Variants in EPHA3 observed in about 807,000 individuals in gnomAD.
EPHA3 encodes the protein ephrin type-A receptor 3.
In EPHA3, 42 loss-of-function variants were observed where a neutral mutation model predicts 107.1. The observed-to-expected ratio is 0.39, with a 90% CI of 0.31 to 0.51. EPHA3 has a LOEUF of 0.51. EPHA3 is among the 20% of genes least tolerant of loss of function. EPHA3 has a pLI of 0.78. For missense variants in EPHA3, 1,183 were observed against 1,211.2 expected, an observed-to-expected ratio of 0.98 and a Z score of 0.35; for synonymous variants, 461 against 424.8, an observed-to-expected ratio of 1.09 and a Z score of -1.05.
rs147210258 is a variant in EPHA3 at position 89,203,095 on chromosome 3, G to C, written c.154-6765G>C. On this transcript the variant is annotated intron_variant, in intron 2 of 16. Transcript: ENST00000336596. Reference sequence around the variant, plus strand: ...ACATTTTAGACGCAGTTTCTAAGGAGACTCAGAATTCACGGAAGCTGATAT... The same window carrying C: ...ACATTTTAGACGCAGTTTCTAAGGACACTCAGAATTCACGGAAGCTGATAT... 7.9e-5 allele frequency among the ~76,000 whole-genome samples: 12 copies of C among 152,160 alleles called. No individual in the cohort carries two copies. In the East Asian group the frequency reaches 2.3e-3, roughly 29 times the overall value.
intron 3 of EPHA3, among the ~76,000 whole-genome samples, chr3:89,230,822 T>TCACACACACACA (rs1247637593): frequency 2.4e-4 from 35 of 144,128 alleles, no homozygotes; most frequent in African/African-American, 9.7e-4. Context: ...TCTCTCTCTC[T>TCACACACACACA]CTCACACACA....
rs543120553 is a variant in EPHA3, at chr3:89,280,868, C to T, written c.815-60048C>T. 1.7e-4 allele frequency among the ~76,000 whole-genome samples: 26 copies of T among 152,004 alleles called. 1 individual carries two copies. In the South Asian group the frequency reaches 5.0e-3, roughly 29 times the overall value. On this transcript the variant is annotated intron_variant, in intron 3 of 16. Transcript: ENST00000336596. Reference sequence around the variant, plus strand: ...ATTGTAAAACAGCTAAAGTCTGTGACGTAATCATGATTCTCGTGATTAGAA... The same window carrying T: ...ATTGTAAAACAGCTAAAGTCTGTGATGTAATCATGATTCTCGTGATTAGAA...
At chr3:89,357,630 C>G (rs1707996090) in intron 5 of EPHA3, among the ~76,000 whole-genome samples, 1 of 151,116 alleles carries the variant, frequency 6.6e-6, no homozygotes, top group South Asian at 2.1e-4. Flanking sequence ...CAAAGAATAA[C>G]ATTCTCTATT....
At chr3:89,431,111 A>G (rs1346550396) in intron 12 of EPHA3, 39 bp from the exon 13 acceptor site, 1 of 1,580,250 alleles carries the variant, frequency 6.3e-7, no homozygotes, top group African/African-American at 1.4e-5. Context: ...TTTAAGAAAT[A>G]GGAACGTATC....
intron 2 of EPHA3, among the ~76,000 whole-genome samples, chr3:89,152,090 A>T (rs571002304): frequency 6.6e-6 from 1 of 152,210 alleles, no homozygotes; most frequent in East Asian, 1.9e-4. Flanking sequence ...TGTTTATGTT[A>T]TCTCAAATAT....
intron 3 of EPHA3, among the ~76,000 whole-genome samples, chr3:89,217,550 G>T (rs1323578872): frequency 1.3e-5 from 2 of 152,100 alleles, no homozygotes; most frequent in Admixed American, 6.5e-5. Flanking sequence ...TGTGAGAAGA[G>T]ACCCCAGGGA....
intron 3 of EPHA3, among the ~76,000 whole-genome samples, chr3:89,294,583 G>T (rs1706300068): frequency 6.6e-6 from 1 of 152,044 alleles, no homozygotes; most frequent in African/African-American, 2.4e-5. Context: ...TCAAGCTCAT[G>T]AAAATTTTCC....
intron 15 of EPHA3, among the ~76,000 whole-genome samples, chr3:89,450,775 C>T (rs967965526): frequency 3.3e-5 from 5 of 152,008 alleles, no homozygotes; most frequent in African/African-American, 9.7e-5. Flanking sequence ...GGTGTGGTGG[C>T]AGGCACCTGT....
chr3:89,187,106 ACAG>A (rs1358855247), intron 2 of EPHA3, among the ~76,000 whole-genome samples: 31 of 151,906 alleles, frequency 2.0e-4, no homozygotes, highest in African/African-American at 7.2e-4. Context: ...TCAGAGTACT[ACAG>A]ACTTTAATTT....
At chr3:89,302,440 T>G (rs1706513747) in intron 3 of EPHA3, among the ~76,000 whole-genome samples, 2 of 152,156 alleles carry the variant, frequency 1.3e-5, no homozygotes, top group South Asian at 4.1e-4. Flanking sequence ...TAGAAAATTC[T>G]TTTATTTTCT....
At chr3:89,286,529 G>A (rs1706087476) in intron 3 of EPHA3, among the ~76,000 whole-genome samples, 1 of 152,118 alleles carries the variant, frequency 6.6e-6, no homozygotes, top group South Asian at 2.1e-4. Flanking sequence ...CAGTGAAAGT[G>A]ATGAGAATGG....
chr3:89,315,146 G>A (rs1706865356), intron 3 of EPHA3, among the ~76,000 whole-genome samples: 1 of 151,630 alleles, frequency 6.6e-6, no homozygotes, highest in Admixed American at 6.6e-5. Flanking sequence ...CTGAAACATT[G>A]TTATGTGGTA....
chr3:89,277,723 G>A (rs1283184320), intron 3 of EPHA3, among the ~76,000 whole-genome samples: 1 of 151,894 alleles, frequency 6.6e-6, no homozygotes, highest in Non-Finnish European at 1.5e-5. Flanking sequence ...GTGTTCTATT[G>A]CTCTTTTCTC....
intron 3 of EPHA3, among the ~76,000 whole-genome samples, chr3:89,299,135 T>C (rs1450546393): frequency 6.6e-6 from 1 of 152,074 alleles, no homozygotes; most frequent in Non-Finnish European, 1.5e-5. Flanking sequence ...ATAAAGGCAA[T>C]AGTAAACCAT....
chr3:89,342,509 A>T (rs929609449), intron 5 of EPHA3, among the ~76,000 whole-genome samples: 1 of 152,152 alleles, frequency 6.6e-6, no homozygotes, highest in Non-Finnish European at 1.5e-5. Context: ...CATACTTCTA[A>T]GAAGTTCTGT....
At chr3:89,218,539 T>C (rs1374221933) in intron 3 of EPHA3, among the ~76,000 whole-genome samples, 2 of 152,056 alleles carry the variant, frequency 1.3e-5, no homozygotes, top group African/African-American at 4.8e-5. Context: ...TCTATCATTG[T>C]TGGACATTTG....
At chr3:89,130,506 G>T (rs944532231) in intron 2 of EPHA3, among the ~76,000 whole-genome samples, 1 of 151,838 alleles carries the variant, frequency 6.6e-6, no homozygotes, top group Admixed American at 6.6e-5. Context: ...GTGAAGAGTA[G>T]TTCATTCCTA....
chr3:89,315,386 C>T (rs1706871977), intron 3 of EPHA3, among the ~76,000 whole-genome samples: 2 of 151,758 alleles, frequency 1.3e-5, no homozygotes, highest in Non-Finnish European at 2.9e-5. Flanking sequence ...GGTGTAAGTG[C>T]TACAGTTCAG....
chr3:89,264,172 C>CA (rs142999361), intron 3 of EPHA3, among the ~76,000 whole-genome samples: 1 of 152,242 alleles, frequency 6.6e-6, no homozygotes, highest in African/African-American at 2.4e-5. Context: ...TATCCTGGGG[C>CA]AAAATGTCTT....
Sources: gnomAD v4.1 joint callset for allele counts (sites outside exome capture counted in the v4.1 genomes callset) on GRCh38, gnomAD v4.1.1 for gene constraint, MANE v1.5 for transcripts, NCBI Gene and HGNC (gene_info 2026-07-23, HGNC 2026-07-21) for gene names.